The following POMK variants were observed in gnomAD, a reference collection of about 807,000 sequenced individuals.
POMK encodes Sugen kinase 196.
A neutral mutation model predicts 23.0 loss-of-function variants in POMK; 19 were observed. The ratio of observed to expected loss-of-function variants is 0.83; its 90% CI spans 0.58 to 1.21. The LOEUF (loss-of-function observed/expected upper bound fraction) is 1.21. Ranked by LOEUF, POMK falls within the 50% of genes most tolerant of loss-of-function variation. The probability of loss-of-function intolerance (pLI) is 0.00; values close to 1 mark genes in which losing one functional copy is unlikely to be tolerated. For synonymous variants in POMK, 173 were observed against 171.6 expected, an observed-to-expected ratio of 1.01 and a Z score of -0.06; for missense variants, 410 against 431.3, an observed-to-expected ratio of 0.95 and a Z score of 0.44.
chr8:43,103,527 G>A lies in POMK; in HGVS notation c.-21-1G>A, dbSNP rs1366560545. The A allele has an allele frequency of 1.1e-5, 17 of 1,612,258 alleles. No individual in the cohort carries two copies. The highest frequency in any genetic ancestry group is 1.7e-5 in the Admixed American group (1 of 59,710). ...ACTTCTTGTTTCATTGTGTATTTTA[G>A]GAAATTGCAGAGGCCGTCAACATGG... On this transcript the variant is annotated splice_acceptor_variant, in intron 3 of 4. Transcript: ENST00000331373. LOFTEE classifies it low-confidence loss of function (5UTR_SPLICE).
intron 4 of POMK, among the ~76,000 whole-genome samples, chr8:43,119,594 A>G (rs1184043398): frequency 1.3e-5 from 2 of 151,706 alleles, no homozygotes; most frequent in African/African-American, 2.4e-5. Flanking sequence ...CACCACGCCC[A>G]GCTAATTATT....
intron 4 of POMK, among the ~76,000 whole-genome samples, chr8:43,117,389 T>TC (rs545276701): frequency 2.4e-4 from 36 of 152,324 alleles, no homozygotes; most frequent in African/African-American, 8.2e-4. Flanking sequence ...TGGAAGTGGA[T>TC]CCATCATCCA....
Position 43,122,889 on chromosome 8 carries a change from G to C in POMK, c.*12G>C. ...GAGAGATGCTGTGAAAACCAGTCCA[G>C]CCAATGAAGGTGGGATTGAAGGGCT... On this transcript the variant is annotated 3_prime_UTR_variant, in exon 5 of 5. Coordinates refer to ENST00000331373, the MANE Select transcript of POMK (RefSeq NM_032237.5). 1 of 1,590,614 alleles carries C rather than the reference G, an allele frequency of 6.3e-7. No individual in the cohort carries two copies.
At chr8:43,101,639 G>C (rs985426349) in intron 2 of POMK, among the ~76,000 whole-genome samples, 1 of 152,120 alleles carries the variant, frequency 6.6e-6, no homozygotes, top group African/African-American at 2.4e-5. Context: ...CTTATCTGAA[G>C]GTCTGCCCTG....
At chr8:43,109,709 A>AT (rs1210416160) in intron 4 of POMK, among the ~76,000 whole-genome samples, 1 of 151,176 alleles carries the variant, frequency 6.6e-6, no homozygotes, top group Admixed American at 6.6e-5. Context: ...CACCTGGCTA[A>AT]TTTTTGTATT....
chr8:43,104,850 G>C (rs1371091456), intron 4 of POMK, among the ~76,000 whole-genome samples: 7 of 152,020 alleles, frequency 4.6e-5, no homozygotes, highest in Non-Finnish European at 8.8e-5. Flanking sequence ...AGAATCTCTT[G>C]AGCCTGGGGA....
chr8:43,120,835 G>A (rs923289501), intron 4 of POMK, among the ~76,000 whole-genome samples: 4 of 151,906 alleles, frequency 2.6e-5, no homozygotes, highest in Non-Finnish European at 5.9e-5. Flanking sequence ...GCACCACCAC[G>A]CCTGGCTAAT....
At chr8:43,103,492 G>A (rs1355817714) in intron 3 of POMK, 36 bp from the exon 4 acceptor site, 5 of 1,591,870 alleles carry the variant, frequency 3.1e-6, no homozygotes, top group Non-Finnish European at 4.3e-6. Context: ...AGTGAAAGCT[G>A]ACTGTCATGA....
chr8:43,117,396 T>C (rs530592636), intron 4 of POMK, among the ~76,000 whole-genome samples: 1 of 152,336 alleles, frequency 6.6e-6, no homozygotes, highest in East Asian at 1.9e-4. Context: ...GGATCCATCA[T>C]CCATCGCAAA....
At position 43,123,137 on chromosome 8, in the gene POMK, G is replaced by A. The variant is rs11991073; in HGVS notation, c.*260G>A. The A allele has an allele frequency of 9.1e-3, 3,026 of 330,912 alleles. 84 individuals are homozygous for A. The highest frequency in any genetic ancestry group is 0.061 in the African/African-American group (2,856 of 46,598). 20.5% of individuals were successfully genotyped at this position (330,912 alleles called of 1,614,324 possible). A position where few individuals can be genotyped will look rare whatever the true frequency, so the allele number is the denominator to read the frequency against. ...AGTGATGTGATCTTGGCTCACTGCA[G>A]CCTCTGCCTCCCAGGTTCAAGCAAT... On this transcript the variant is annotated 3_prime_UTR_variant, in exon 5 of 5. Coordinates refer to ENST00000331373, the MANE Select transcript of POMK (RefSeq NM_032237.5).
chr8:43,107,095 G>A (rs887265841), intron 4 of POMK, among the ~76,000 whole-genome samples: 5 of 151,938 alleles, frequency 3.3e-5, no homozygotes, highest in Non-Finnish European at 7.4e-5. Flanking sequence ...TCTACTATAA[G>A]GTAAATAATG....
At chr8:43,095,920 A>G in intron 1 of POMK, among the ~76,000 whole-genome samples, 1 of 152,138 alleles carries the variant, frequency 6.6e-6, no homozygotes. Context: ...GGAAACTTGG[A>G]TTGGAGAAGG....
chr8:43,111,173 CAAAG>C (rs2130611205), intron 4 of POMK, among the ~76,000 whole-genome samples: 2 of 152,280 alleles, frequency 1.3e-5, no homozygotes, highest in Non-Finnish European at 2.9e-5. Flanking sequence ...CTTTTCTAGT[CAAAG>C]AAAGTGGAGA....
intron 4 of POMK, among the ~76,000 whole-genome samples, chr8:43,111,579 C>T (rs1330280913): frequency 1.3e-5 from 2 of 152,230 alleles, no homozygotes; most frequent in Non-Finnish European, 2.9e-5. Context: ...AGTAGTGGTT[C>T]TCCCAGCATG....
At chr8:43,096,312 G>A (rs948080446) in intron 1 of POMK, among the ~76,000 whole-genome samples, 4 of 152,192 alleles carry the variant, frequency 2.6e-5, no homozygotes, top group African/African-American at 9.7e-5. Flanking sequence ...CCTGTGGGCC[G>A]AGTGGGGGGC....
intron 4 of POMK, among the ~76,000 whole-genome samples, chr8:43,116,934 A>T (rs1421844979): frequency 6.6e-6 from 1 of 151,940 alleles, no homozygotes; most frequent in Non-Finnish European, 1.5e-5. Context: ...GGCCATTTTT[A>T]TAAGATTTGG....
chr8:43,095,520 T>C (rs1390406975), intron 1 of POMK, among the ~76,000 whole-genome samples: 1 of 152,144 alleles, frequency 6.6e-6, no homozygotes, highest in Non-Finnish European at 1.5e-5. Context: ...CCAAGAGAGA[T>C]TAGAAAATAT....
chr8:43,099,482 G>A (rs1356665576), intron 2 of POMK, among the ~76,000 whole-genome samples: 1 of 152,240 alleles, frequency 6.6e-6, no homozygotes, highest in Non-Finnish European at 1.5e-5. Flanking sequence ...ACCCCACTAC[G>A]TGGACTCAGA....
At chr8:43,119,901 T>C (rs1448644680) in intron 4 of POMK, among the ~76,000 whole-genome samples, 2 of 151,852 alleles carry the variant, frequency 1.3e-5, no homozygotes, top group African/African-American at 4.8e-5. Context: ...TCATGGTCCT[T>C]GGGTCTAACT....
Sources: allele counts gnomAD v4.1 joint callset (sites outside exome capture counted in the v4.1 genomes callset), GRCh38; gene constraint gnomAD v4.1.1; transcripts MANE v1.5; gene names NCBI Gene and HGNC (gene_info 2026-07-23, HGNC 2026-07-21).